Variants in SPIDR observed in about 807,000 individuals in gnomAD.
SPIDR encodes scaffold protein involved in DNA repair, also known as DNA repair-scaffolding protein.
A neutral mutation model predicts 104.6 loss-of-function variants in SPIDR; 93 were observed. The observed-to-expected ratio is 0.89, with a 90% CI of 0.75 to 1.06. SPIDR has a LOEUF of 1.06. Ranked by LOEUF, SPIDR falls within the 50% of genes least tolerant of loss-of-function variation. The probability of loss-of-function intolerance (pLI) is 0.00; values close to 1 mark genes in which losing one functional copy is unlikely to be tolerated. For missense variants in SPIDR, 1,154 were observed against 1,111.2 expected (o/e 1.04, Z -0.55); for synonymous variants, 431 against 416.9 (o/e 1.03, Z -0.41).
intron 5 of SPIDR, among the ~76,000 whole-genome samples, chr8:47,336,781 G>T (rs1184543931): frequency 1.3e-5 from 2 of 152,184 alleles, no homozygotes. Flanking sequence ...CAGTTCTCTT[G>T]TATATATACC....
At chr8:47,535,629 A>G (rs2086774829) in intron 8 of SPIDR, among the ~76,000 whole-genome samples, 2 of 152,204 alleles carry the variant, frequency 1.3e-5, no homozygotes, top group Non-Finnish European at 2.9e-5. Context: ...AGAAAAATCA[A>G]ATCTTATGAA....
intron 7 of SPIDR, among the ~76,000 whole-genome samples, chr8:47,423,464 T>C (rs1324772502): frequency 6.6e-6 from 1 of 151,828 alleles, no homozygotes; most frequent in African/African-American, 2.4e-5. Context: ...TAGCCAGGTG[T>C]GGTGGTTCAC....
At chr8:47,414,947 A>G (rs2154329486) in intron 7 of SPIDR, among the ~76,000 whole-genome samples, 1 of 152,158 alleles carries the variant, frequency 6.6e-6, no homozygotes, top group East Asian at 1.9e-4. Context: ...TCTGTTGCCC[A>G]GGCTGGAGTG....
intron 7 of SPIDR, among the ~76,000 whole-genome samples, chr8:47,421,439 T>G (rs76953669): frequency 2.0e-5 from 3 of 152,224 alleles, no homozygotes; most frequent in Admixed American, 6.5e-5. Flanking sequence ...TGTCGTTCTC[T>G]TGTTGTGGTT....
intron 5 of SPIDR, among the ~76,000 whole-genome samples, chr8:47,334,648 C>T (rs1326401955): frequency 6.6e-6 from 1 of 152,114 alleles, no homozygotes; most frequent in African/African-American, 2.4e-5. Context: ...TTATATGTAT[C>T]TTTACATATG....
At chr8:47,525,668 G>T (rs989263547) in intron 8 of SPIDR, among the ~76,000 whole-genome samples, 4 of 151,876 alleles carry the variant, frequency 2.6e-5, no homozygotes, top group African/African-American at 9.7e-5. Flanking sequence ...AGACGTGGTG[G>T]CATACGCCTT....
intron 8 of SPIDR, among the ~76,000 whole-genome samples, chr8:47,569,567 C>T (rs761112890): frequency 1.3e-5 from 2 of 152,100 alleles, no homozygotes; most frequent in African/African-American, 2.4e-5. Flanking sequence ...AGTATATTTT[C>T]CAGTTACAAT....
rs538165058 is a variant in SPIDR at position 47,356,224 on chromosome 8, T to C, written c.526-40152T>C. On this transcript the variant is annotated intron_variant, in intron 5 of 19. Transcript: ENST00000297423. The stretch of plus-strand genomic sequence containing the variant: ...CATTAAGTCCTCGTGAAAATAGAAT[T>C]GGTGATATTATACTTTTTGGTTTAT... Among the ~76,000 whole-genome samples, 16 of 152,330 alleles carry C rather than the reference T, an allele frequency of 1.1e-4. No homozygotes were observed. In the East Asian group the frequency reaches 2.7e-3, roughly 26 times the overall value.
At chr8:47,537,629 A>C (rs530593863) in intron 8 of SPIDR, among the ~76,000 whole-genome samples, 9 of 152,300 alleles carry the variant, frequency 5.9e-5, no homozygotes, top group African/African-American at 1.9e-4. Context: ...AATGGTGGAC[A>C]CGTGTCATTA....
At chr8:47,311,568 C>T (rs1326464394) in intron 5 of SPIDR, among the ~76,000 whole-genome samples, 3 of 152,006 alleles carry the variant, frequency 2.0e-5, no homozygotes, top group Non-Finnish European at 4.4e-5. Context: ...CCTGTAATGC[C>T]AACACTTGGG....
chr8:47,536,997 A>G (rs1385344647), intron 8 of SPIDR, among the ~76,000 whole-genome samples: 1 of 152,254 alleles, frequency 6.6e-6, no homozygotes, highest in Non-Finnish European at 1.5e-5. Flanking sequence ...AGGAATTGCA[A>G]ATTGAAACAG....
At chr8:47,660,617 G>T (rs147446839) in intron 10 of SPIDR, 3 of 604,796 alleles carry the variant, frequency 5.0e-6, no homozygotes, top group South Asian at 7.2e-5. Flanking sequence ...GCAGGGACCC[G>T]CTGTAGACAT....
intron 10 of SPIDR, among the ~76,000 whole-genome samples, chr8:47,636,515 A>G (rs2067944501): frequency 6.6e-6 from 1 of 152,200 alleles, no homozygotes; most frequent in African/African-American, 2.4e-5. Context: ...CAAAAGCTAG[A>G]CCTTTGCATT....
At chr8:47,530,672 C>G (rs1216119885) in intron 8 of SPIDR, among the ~76,000 whole-genome samples, 1 of 152,042 alleles carries the variant, frequency 6.6e-6, no homozygotes, top group Admixed American at 6.5e-5. Context: ...CTATGCACTA[C>G]TGTAGACTTT....
chr8:47,279,533 T>C (rs1383183216), intron 1 of SPIDR: 1 of 216,234 alleles, frequency 4.6e-6, no homozygotes, highest in African/African-American at 2.3e-5. Flanking sequence ...TAGTGAGCAC[T>C]GATGTCTAGG....
intron 8 of SPIDR, among the ~76,000 whole-genome samples, chr8:47,457,656 A>G (rs1744863514): frequency 6.6e-6 from 1 of 151,840 alleles, no homozygotes; most frequent in African/African-American, 2.4e-5. Context: ...GGTCATGAAA[A>G]CTTTGTCTAA....
chr8:47,728,241 C>T (rs2084614381), intron 17 of SPIDR, among the ~76,000 whole-genome samples: 1 of 151,884 alleles, frequency 6.6e-6, no homozygotes, highest in Admixed American at 6.6e-5. Flanking sequence ...GCCTGGCCAA[C>T]ACGGTGAAAC....
chr8:47,589,861 T>A (rs2060776124), intron 8 of SPIDR, among the ~76,000 whole-genome samples: 1 of 152,182 alleles, frequency 6.6e-6, no homozygotes, highest in Admixed American at 6.5e-5. Flanking sequence ...TCAATTTTAT[T>A]TATTTCTGCT....
chr8:47,695,810 A>G lies in SPIDR; in HGVS notation c.1686-4593A>G, dbSNP rs143487244. Among the ~76,000 whole-genome samples, 576 of 152,370 alleles carry G rather than the reference A, an allele frequency of 3.8e-3. 3 individuals carry two copies. The highest frequency in any genetic ancestry group is 0.022 in the South Asian group (108 of 4,832). Reference sequence around the variant, plus strand: ...ATAACACCAGCTATAATGAGGCCAGAGGAGGTAGATCATTTGCTACACCAA... The same window carrying G: ...ATAACACCAGCTATAATGAGGCCAGGGGAGGTAGATCATTTGCTACACCAA... On this transcript the variant is annotated intron_variant, in intron 11 of 19. Coordinates refer to ENST00000297423, the MANE Select transcript of SPIDR (RefSeq NM_001080394.4).
Sources: gnomAD v4.1 joint callset for allele counts (sites outside exome capture counted in the v4.1 genomes callset) on GRCh38, gnomAD v4.1.1 for gene constraint, MANE v1.5 for transcripts, NCBI Gene and HGNC (gene_info 2026-07-23, HGNC 2026-07-21) for gene names.